Variants in DMXL2 observed in about 807,000 individuals in gnomAD.
DMXL2 encodes dmX-like protein 2.
Under a neutral mutation model 331.1 loss-of-function variants are expected in DMXL2, and 103 were observed. The observed-to-expected ratio is 0.31, with a 90% confidence interval of 0.27 to 0.37. The LOEUF is 0.37. Among genes scored for constraint, DMXL2 ranks in the 10% least tolerant of loss-of-function variants. DMXL2 has a pLI of 1.00. For missense variants in DMXL2, 3,171 were observed against 3,642.9 expected, an observed-to-expected ratio of 0.87 and a Z score of 3.33; for synonymous variants, 1,281 against 1,252.1, an observed-to-expected ratio of 1.02 and a Z score of -0.49.
chr15:51,565,791 G>A (rs1330484283), intron 3 of DMXL2, among the ~76,000 whole-genome samples: 1 of 152,164 alleles, frequency 6.6e-6, no homozygotes. Flanking sequence ...GCTTTGCAAA[G>A]CTATGTTACC....
chr15:51,536,908 C>A, intron 11 of DMXL2, 46 bp from the exon 12 acceptor site: 3 of 1,461,870 alleles, frequency 2.1e-6, no homozygotes, highest in Non-Finnish European at 2.8e-6. Flanking sequence ...TTTACCTCCT[C>A]TCAAAAAAAA....
chr15:51,540,936 C>T (rs540854025), intron 9 of DMXL2, among the ~76,000 whole-genome samples: 2 of 152,218 alleles, frequency 1.3e-5, no homozygotes, highest in South Asian at 4.1e-4. Flanking sequence ...TGATCCTATT[C>T]CATCTAATTA....
chr15:51,537,448 T>C (rs969753086), intron 11 of DMXL2, 40 bp downstream of exon 11: 12 of 1,531,956 alleles, frequency 7.8e-6, no homozygotes, highest in Non-Finnish European at 9.7e-6. Context: ...CTTTTTACTA[T>C]TTTAAGAAAT....
intron 1 of DMXL2, among the ~76,000 whole-genome samples, chr15:51,615,090 G>T (rs1403143049): frequency 6.6e-6 from 1 of 152,196 alleles, no homozygotes. Flanking sequence ...AGAAAAGGTA[G>T]ATTACAAGGA....
chr15:51,551,979 TGA>T (rs1173930482), intron 6 of DMXL2, among the ~76,000 whole-genome samples: 1 of 152,216 alleles, frequency 6.6e-6, no homozygotes, highest in Non-Finnish European at 1.5e-5. Context: ...GTATTTAAAC[TGA>T]GAGTTGAAGG....
At chr15:51,611,027 G>C (rs1233741712) in intron 1 of DMXL2, among the ~76,000 whole-genome samples, 1 of 151,846 alleles carries the variant, frequency 6.6e-6, no homozygotes, top group Admixed American at 6.6e-5. Flanking sequence ...TCATCTATTA[G>C]GGAGAAAGAC....
intron 1 of DMXL2, among the ~76,000 whole-genome samples, chr15:51,581,532 T>C (rs2051417844): frequency 6.6e-6 from 1 of 152,142 alleles, no homozygotes; most frequent in African/African-American, 2.4e-5. Flanking sequence ...TAAAATGCAG[T>C]GTGAAGAGGC....
In DMXL2 at chr15:51,565,565, A is replaced by C. The variant is rs115022499; in HGVS notation, c.286-399T>G. Among the ~76,000 whole-genome samples the C allele has an allele frequency of 2.5e-3, 375 of 152,276 alleles. 3 individuals are homozygous for C. Among genetic ancestry groups the C allele is most frequent in the African/African-American group, 8.7e-3 (360 of 41,552 alleles). Reference sequence around the variant, plus strand: ...CTGGCAGCACCAATACCACTTTTACATTCTGCCATTATAACACTGATCACA... The same window carrying C: ...CTGGCAGCACCAATACCACTTTTACCTTCTGCCATTATAACACTGATCACA... On this transcript the variant is annotated intron_variant, in intron 3 of 43. Transcript: ENST00000560891.
At chr15:51,555,436 T>C (rs1175548141) in intron 6 of DMXL2, among the ~76,000 whole-genome samples, 1 of 152,110 alleles carries the variant, frequency 6.6e-6, no homozygotes, top group Non-Finnish European at 1.5e-5. Flanking sequence ...GTCATCAGCA[T>C]ACAAAAATGG....
At chr15:51,606,558 G>A (rs1287001441) in intron 1 of DMXL2, among the ~76,000 whole-genome samples, 3 of 152,098 alleles carry the variant, frequency 2.0e-5, no homozygotes, top group East Asian at 1.9e-4. Context: ...CAAGCCTTGC[G>A]CTTGAATTAA....
chr15:51,580,799 C>A (rs2051356776), intron 1 of DMXL2, among the ~76,000 whole-genome samples: 1 of 150,794 alleles, frequency 6.6e-6, no homozygotes, highest in African/African-American at 2.5e-5. Context: ...CTGTTACATC[C>A]AAAAAAAACT....
rs77878821 is a variant in DMXL2, at chr15:51,508,428, A to T, written c.2645-1175T>A. On this transcript the variant is annotated intron_variant, in intron 15 of 43. Coordinates refer to ENST00000560891, the MANE Select transcript of DMXL2 (RefSeq NM_001378457.1). ...AAATCTTGCTCCTGAAAGAAAGTAAACTATTACAATAATGAGGTTATGTCA... is the reference window on the plus strand; with the variant it reads ...AAATCTTGCTCCTGAAAGAAAGTAATCTATTACAATAATGAGGTTATGTCA... Among the ~76,000 whole-genome samples the T allele has an allele frequency of 4.6e-5, 7 of 152,318 alleles. No homozygotes were observed. The East Asian group carries it at 1.3e-3, about 29-fold the overall frequency.
chr15:51,514,438 G>C lies in DMXL2; in HGVS notation c.2644+4C>G. ...AACAAATGCAGACTATTTTTTTAAA[G>C]TACCTTGTGATGGCTGAAAAAATAT... On this transcript the variant is annotated splice_donor_region_variant and intron_variant, in intron 15 of 43. Coordinates refer to ENST00000560891, the MANE Select transcript of DMXL2 (RefSeq NM_001378457.1). 1 of 1,485,218 alleles carries C rather than the reference G, an allele frequency of 6.7e-7. No homozygotes were observed. Among genetic ancestry groups the C allele is most frequent in the Non-Finnish European group, 9.2e-7 (1 of 1,085,394 alleles). 92.0% of individuals were successfully genotyped at this position (1,485,218 alleles called of 1,614,324 possible). A position where few individuals can be genotyped will look rare whatever the true frequency, so the allele number is the denominator to read the frequency against.
Position 51,533,451 on chromosome 15 carries a change from G to A in DMXL2, c.2436+2212C>T, listed in dbSNP as rs76601440. Reference sequence around the variant, plus strand: ...TAATGGAGAACAAATAGAACCATAAGAAAACACAAAATCCCCCAAATCATG... The same window carrying A: ...TAATGGAGAACAAATAGAACCATAAAAAAACACAAAATCCCCCAAATCATG... On this transcript the variant is annotated intron_variant, in intron 13 of 43. Transcript: ENST00000560891. Among the ~76,000 whole-genome samples the A allele has an allele frequency of 2.6e-3, 390 of 152,138 alleles. 18 individuals carry two copies. In the East Asian group the frequency reaches 0.062, roughly 24 times the overall value.
intron 13 of DMXL2, among the ~76,000 whole-genome samples, chr15:51,524,439 C>G (rs1482842189): frequency 2.0e-5 from 3 of 152,092 alleles, no homozygotes; most frequent in Non-Finnish European, 2.9e-5. Context: ...TCATAAGAAC[C>G]AAAAATCAGG....
chr15:51,457,383 G>A lies in DMXL2; in HGVS notation c.8282C>T (p.Pro2761Leu), dbSNP rs1349848188. Residue 2761 changes from proline to leucine, a missense_variant, in exon 37 of 44, where the codon CCA (proline) becomes CTA (leucine). Transcript: ENST00000560891. ...GCCCAGCCATGGCAGAGATGAAGGT[G>A]GATGCACCTGACTTGCTGAATAGGA... ...ATSYSASQVH[P>L]PSSLPWLGTG... 4 of 1,614,082 alleles carry A rather than the reference G, an allele frequency of 2.5e-6. No homozygotes were observed. The highest frequency in any genetic ancestry group is 2.7e-5 in the African/African-American group (2 of 74,934).
intron 23 of DMXL2, among the ~76,000 whole-genome samples, chr15:51,482,434 A>T (rs2042084234): frequency 6.6e-6 from 1 of 152,154 alleles, no homozygotes; most frequent in African/African-American, 2.4e-5. Flanking sequence ...AGAAGAAAGA[A>T]CCCTATAATC....
intron 6 of DMXL2, among the ~76,000 whole-genome samples, chr15:51,556,044 C>A (rs957125200): frequency 2.0e-5 from 3 of 152,076 alleles, no homozygotes; most frequent in African/African-American, 7.2e-5. Flanking sequence ...AAATCTTAAA[C>A]AAAAGATCAG....
At chr15:51,490,220 C>G (rs1433962519) in intron 20 of DMXL2, among the ~76,000 whole-genome samples, 2 of 152,152 alleles carry the variant, frequency 1.3e-5, no homozygotes, top group African/African-American at 4.8e-5. Flanking sequence ...CTTTTATACT[C>G]ACATTTAAAA....
Sources: allele counts gnomAD v4.1 joint callset (sites outside exome capture counted in the v4.1 genomes callset), GRCh38; gene constraint gnomAD v4.1.1; transcripts MANE v1.5; gene names NCBI Gene and HGNC (gene_info 2026-07-23, HGNC 2026-07-21).